Variants in EVC2 observed in about 807,000 individuals in gnomAD.
EVC2 encodes the protein limbin.
EVC2 carries 148 observed loss-of-function variants against 149.3 expected under a neutral mutation model. The ratio of observed to expected loss-of-function variants is 0.99; its 90% CI spans 0.87 to 1.14. The LOEUF (loss-of-function observed/expected upper bound fraction) is 1.14. Ranked by LOEUF, EVC2 falls within the 50% of genes most tolerant of loss-of-function variation. The pLI is 0.00. For synonymous variants in EVC2, 776 were observed against 649.9 expected, an observed-to-expected ratio of 1.19 and a Z score of -2.95; for missense variants, 1,854 against 1,627.3, an observed-to-expected ratio of 1.14 and a Z score of -2.40.
chr4:5,595,237 G>A (rs888912961), intron 16 of EVC2, among the ~76,000 whole-genome samples: 30 of 151,966 alleles, frequency 2.0e-4, no homozygotes, highest in Non-Finnish European at 3.1e-4. Context: ...GATACTCCTC[G>A]AGAAGAGCAA....
chr4:5,572,079 C>T (rs1385623032), intron 19 of EVC2, among the ~76,000 whole-genome samples: 1 of 152,206 alleles, frequency 6.6e-6, no homozygotes, highest in Non-Finnish European at 1.5e-5. Context: ...TACAGAGATG[C>T]ATCCTATCAG....
At chr4:5,544,126 G>A (rs955597950) in intron 21 of EVC2, among the ~76,000 whole-genome samples, 7 of 152,072 alleles carry the variant, frequency 4.6e-5, no homozygotes, top group Admixed American at 3.9e-4. Flanking sequence ...GACACCCTGC[G>A]GTCACCTGAG....
intron 20 of EVC2, among the ~76,000 whole-genome samples, chr4:5,566,550 T>TCC (rs1326161012): frequency 6.6e-6 from 1 of 152,166 alleles, no homozygotes; most frequent in African/African-American, 2.4e-5. Flanking sequence ...AACCCAAGAC[T>TCC]CATAACTGAT....
Position 5,576,996 on chromosome 4 carries a change from A to G in EVC2, c.3058-542T>C, listed in dbSNP as rs1156430667. On this transcript the variant is annotated intron_variant, in intron 17 of 21. Transcript: ENST00000344408. This position sits in a 1 kb window ranked among gnomAD's most constrained non-coding sequence, Gnocchi z 4.5. Reference sequence around the variant, plus strand: ...TATCTGCATGCACCCGGCATGGACGAAAGCCAGGCTGGAACACAGCAACTA... The same window carrying G: ...TATCTGCATGCACCCGGCATGGACGGAAGCCAGGCTGGAACACAGCAACTA... 6.6e-6 allele frequency among the ~76,000 whole-genome samples: 1 copy of G among 152,240 alleles called. No homozygotes were observed.
rs1721455404 is a variant in EVC2, at chr4:5,696,020, G to A, written c.284-1519C>T. Among the ~76,000 whole-genome samples the A allele has an allele frequency of 6.6e-6, 1 of 152,166 alleles. No individual in the cohort carries two copies. The highest frequency in any genetic ancestry group is 6.5e-5 in the Admixed American group (1 of 15,272). ...GGCTCCAATTGCATCAAGCATCGGG[G>A]AACTGATGGCCCTCGCCATGGAAAC... On this transcript the variant is annotated intron_variant, in intron 2 of 21. Coordinates refer to ENST00000344408, the MANE Select transcript of EVC2 (RefSeq NM_147127.5). This position sits in a 1 kb window ranked among gnomAD's most constrained non-coding sequence, Gnocchi z 4.1.
At chr4:5,641,247 C>G (rs1233658724) in intron 9 of EVC2, among the ~76,000 whole-genome samples, 2 of 151,822 alleles carry the variant, frequency 1.3e-5, no homozygotes, top group East Asian at 3.8e-4. Flanking sequence ...TGGACGGAAT[C>G]CCAGAGCAAA....
chr4:5,602,506 A>G (rs1485167439), intron 16 of EVC2, among the ~76,000 whole-genome samples: 2 of 152,068 alleles, frequency 1.3e-5, no homozygotes, highest in East Asian at 3.9e-4. Context: ...TACTGATCTA[A>G]CTATGGTGGG....
At chr4:5,634,464 A>G (rs1716758968) in intron 10 of EVC2, among the ~76,000 whole-genome samples, 1 of 152,224 alleles carries the variant, frequency 6.6e-6, no homozygotes, top group African/African-American at 2.4e-5. Context: ...ATTTTAATTA[A>G]TAGAAATGAA....
At chr4:5,620,125 C>T (rs933640325) in intron 14 of EVC2, among the ~76,000 whole-genome samples, 4 of 152,186 alleles carry the variant, frequency 2.6e-5, no homozygotes, top group East Asian at 1.9e-4. Context: ...TCATGTGACA[C>T]CCGTCTTGGG....
upstream of EVC2, chr4:5,709,359 G>A (rs1722436860): frequency 6.6e-6 from 1 of 152,276 alleles, no homozygotes; most frequent in African/African-American, 2.4e-5. Flanking sequence ...GCTGACACCT[G>A]TTGACGGGGG....
chr4:5,637,060 G>A lies in EVC2; in HGVS notation c.1470+3454C>T, dbSNP rs947786608. On this transcript the variant is annotated intron_variant, in intron 10 of 21. Coordinates refer to ENST00000344408, the MANE Select transcript of EVC2 (RefSeq NM_147127.5). The surrounding 1 kb of genome is among the most constrained non-coding windows in gnomAD (Gnocchi z 4.4). ...CGCTGGCTTGCAAGGTGGTGTGGGT[G>A]GGAGAGACAGGCTGCAGAAAAGCCC... is the stretch of plus-strand genomic sequence containing the variant. 1.3e-5 allele frequency among the ~76,000 whole-genome samples: 2 copies of A among 152,160 alleles called. No homozygotes were observed. Among genetic ancestry groups the A allele is most frequent in the Non-Finnish European group, 2.9e-5 (2 of 68,036 alleles).
intron 21 of EVC2, among the ~76,000 whole-genome samples, chr4:5,554,803 A>AT (rs1198147720): frequency 1.3e-5 from 2 of 152,244 alleles, no homozygotes; most frequent in Admixed American, 1.3e-4. Flanking sequence ...ATCCATAAAT[A>AT]TTTGTGTGCA....
intron 1 of EVC2, among the ~76,000 whole-genome samples, chr4:5,702,492 C>T (rs1204571394): frequency 2.0e-5 from 3 of 152,200 alleles, no homozygotes; most frequent in Non-Finnish European, 4.4e-5. Context: ...GCTAACCCTC[C>T]ACTGCCTCCT....
intron 2 of EVC2, 45 bp from the exon 3 acceptor site, chr4:5,694,546 G>A: frequency 6.2e-7 from 1 of 1,611,212 alleles, no homozygotes; most frequent in Non-Finnish European, 8.5e-7. Context: ...CGGAAAGACA[G>A]TAAGACATAG....
In EVC2 at chr4:5,708,326, G is replaced by A. The variant is rs1365302460; in HGVS notation, c.188C>T (p.Pro63Leu). 11 of 1,468,284 alleles carry A rather than the reference G, an allele frequency of 7.5e-6. No homozygotes were observed. In the East Asian group the frequency reaches 8.5e-5, roughly 11 times the overall value. The allele number at this position is 1,468,284 out of a possible 1,614,324, so 91.0% of individuals were successfully genotyped here. The change falls in exon 1 of 22, where the codon CCT (proline) becomes CTT (leucine). Residue 63 changes from proline (P) to leucine (L), a missense_variant. Pro to Leu is a moderately conservative substitution (Grantham distance 98). Transcript: ENST00000344408. Reference protein sequence around the residue: ...APRSGPGLRIPPGRSGAGPES... With the variant: ...APRSGPGLRILPGRSGAGPES... The stretch of plus-strand genomic sequence containing the variant: ...GGGCCCCGCCCCGCTCCGCCCCGGA[G>A]GGATCCTCAGGCCGGGCCCAGACCT...
chr4:5,665,564 A>T lies in EVC2; in HGVS notation c.956T>A (p.Leu319His). ...CTTCAGACACTGATAGCGAACCATG[A>T]GGAAGAGGGCAGCCCAGGTCAGCAC... ...SLVLTWAALFLMVRYQCLKGN... is the reference protein window; with the variant it reads ...SLVLTWAALFHMVRYQCLKGN... The change falls in exon 8 of 22, where the codon CTC becomes CAC. Residue 319 changes from leucine to histidine, a missense_variant. Coordinates refer to ENST00000344408, the MANE Select transcript of EVC2 (RefSeq NM_147127.5). The T allele has an allele frequency of 6.2e-7, 1 of 1,614,172 alleles. No homozygotes were observed. Among genetic ancestry groups the T allele is most frequent in the South Asian group, 1.1e-5 (1 of 91,072 alleles).
chr4:5,680,771 G>A (rs940800682), intron 7 of EVC2, among the ~76,000 whole-genome samples: 3 of 152,240 alleles, frequency 2.0e-5, no homozygotes, highest in African/African-American at 7.2e-5. Context: ...AACGTGAAGT[G>A]TTGTTACCTG....
intron 7 of EVC2, among the ~76,000 whole-genome samples, chr4:5,667,781 G>C (rs76665609): frequency 6.6e-6 from 1 of 152,144 alleles, no homozygotes; most frequent in Non-Finnish European, 1.5e-5. Context: ...GTTTTTATTC[G>C]AGGCTGATCA....
chr4:5,664,933 G>T (rs995721496), intron 8 of EVC2, among the ~76,000 whole-genome samples: 1 of 151,684 alleles, frequency 6.6e-6, no homozygotes, highest in Admixed American at 6.6e-5. Context: ...GTGACGGGCT[G>T]CGTGTGGGTG....
Sources: allele counts gnomAD v4.1 joint callset (sites outside exome capture counted in the v4.1 genomes callset), GRCh38; gene constraint gnomAD v4.1.1; non-coding constraint Gnocchi (gnomAD v3.1); transcripts MANE v1.5; gene names NCBI Gene and HGNC (gene_info 2026-07-23, HGNC 2026-07-21).